CYB561: variants seen among roughly 807,000 people sequenced by gnomAD.
CYB561 encodes transmembrane ascorbate-dependent reductase CYB561.
Under a neutral mutation model 25.3 loss-of-function variants are expected in CYB561, and 11 were observed. The observed-to-expected ratio is 0.44, with a 90% CI of 0.27 to 0.72. CYB561 has a LOEUF of 0.72. Ranked by LOEUF, CYB561 falls within the 30% of genes least tolerant of loss-of-function variation. The pLI is 0.18. For synonymous variants in CYB561, 165 were observed against 158.8 expected (o/e 1.04, Z -0.29); for missense variants, 295 against 334.9 (o/e 0.88, Z 0.93).
rs116677897 is a variant in CYB561, at chr17:63,441,169, C to T, written c.-13-3609G>A. On this transcript the variant is annotated intron_variant, in intron 1 of 5. Transcript: ENST00000360793. ...CTTCAACATCCTACAGTGAAATGCC[C>T]GGCCTGGCCTCCCGGGGAGTCGGAA... Among the ~76,000 whole-genome samples, 1,035 of 152,340 alleles carry T rather than the reference C, an allele frequency of 6.8e-3. 10 individuals are homozygous for T. The highest frequency in any genetic ancestry group is 0.012 in the African/African-American group (494 of 41,580).
intron 1 of CYB561, among the ~76,000 whole-genome samples, chr17:63,441,448 G>A (rs1333142300): frequency 6.6e-6 from 1 of 152,206 alleles, no homozygotes; most frequent in Admixed American, 6.5e-5. Flanking sequence ...AACTCAACCC[G>A]CAGCCACCTG....
Position 63,435,686 on chromosome 17 carries a change from A to G in CYB561, c.405+2T>C. 6.2e-7 allele frequency: 1 copy of G among 1,613,114 alleles called. No individual in the cohort carries two copies. The highest frequency in any genetic ancestry group is 8.5e-7 in the Non-Finnish European group (1 of 1,179,072). The stretch of plus-strand genomic sequence containing the variant: ...CAGGCCCGGGGTGTTGGAAGGACTC[A>G]CCTGCACAAAGTACAGGACAAAGAC... On this transcript the variant is annotated splice_donor_variant, in intron 4 of 5. Coordinates refer to ENST00000360793, the MANE Select transcript of CYB561 (RefSeq NM_001915.4). LOFTEE classifies it high-confidence loss of function.
Position 63,435,153 on chromosome 17 carries a change from T to C in CYB561, c.496A>G (p.Thr166Ala), listed in dbSNP as rs1201334238. 6.2e-7 allele frequency: 1 copy of C among 1,614,108 alleles called. No homozygotes were observed. The highest frequency in any genetic ancestry group is 2.2e-5 in the East Asian group (1 of 44,896). The change falls in exon 5 of 6, where the codon ACC (threonine) becomes GCC (alanine). Residue 166 changes from threonine to alanine, a missense_variant. Coordinates refer to ENST00000360793, the MANE Select transcript of CYB561 (RefSeq NM_001915.4). ...GTGCCCACGGAAAGGAGGAAGATGG[T>C]AGCACCAAAGAAGATGTGCTGTGGG... ...YRPQHIFFGA[T>A]IFLLSVGTAL...
intron 1 of CYB561, among the ~76,000 whole-genome samples, chr17:63,438,786 G>A (rs2049344614): frequency 6.6e-6 from 1 of 152,244 alleles, no homozygotes; most frequent in Non-Finnish European, 1.5e-5. Flanking sequence ...CCAAGGGAGT[G>A]CCCAGTGCCT....
chr17:63,438,450 C>T, intron 1 of CYB561: 1 of 515,060 alleles, frequency 1.9e-6, no homozygotes, highest in Non-Finnish European at 3.5e-6. Flanking sequence ...CCCCGCTCCC[C>T]CCACGCCCCC....
rs2049408344 is a variant in CYB561, at chr17:63,444,854, G to A, written c.-14+1391C>T. On this transcript the variant is annotated intron_variant, in intron 1 of 5. Coordinates refer to ENST00000360793, the MANE Select transcript of CYB561 (RefSeq NM_001915.4). ...ATTAGCAGGAGCCCAAGCTCTGCCT[G>A]CCAAGGAAAAGTGGTGAGGGCAGAA... 2.6e-5 allele frequency among the ~76,000 whole-genome samples: 4 copies of A among 152,330 alleles called. No individual in the cohort carries two copies. The South Asian group carries it at 8.3e-4, about 32-fold the overall frequency.
Position 63,437,360 on chromosome 17 carries a change from A to T in CYB561, c.188T>A (p.Phe63Tyr). The T allele has an allele frequency of 6.2e-7, 1 of 1,613,254 alleles. No homozygotes were observed. Among genetic ancestry groups the T allele is most frequent in the Non-Finnish European group, 8.5e-7 (1 of 1,179,330 alleles). Residue 63 changes from phenylalanine (F) to tyrosine (Y), a missense_variant, in exon 2 of 6, where the codon TTC becomes TAC. By Grantham distance (22) the Phe-to-Tyr change is conservative. Transcript: ENST00000360793. ...ATGGGACTCACCATTTCCCTGCAGG[A>T]AGATCAGGCCTATGACCATGCAGAG... Reference protein sequence around the residue: ...HPLCMVIGLIFLQGNALLVYR... With the variant: ...HPLCMVIGLIYLQGNALLVYR...
Position 63,434,229 on chromosome 17 carries a change from A to C in CYB561, c.*173T>G, listed in dbSNP as rs2049266773. The C allele has an allele frequency of 1.6e-5, 10 of 606,838 alleles. No homozygotes were observed. In the South Asian group the frequency reaches 2.1e-4, roughly 12 times the overall value. 37.6% of individuals were successfully genotyped at this position (606,838 alleles called of 1,614,324 possible). Reference sequence around the variant, plus strand: ...ACTGGTCTATAGCAGCGGAGAAAGGAGAAGCAGAGGAGGCGGAGACCTGAC... The same window carrying C: ...ACTGGTCTATAGCAGCGGAGAAAGGCGAAGCAGAGGAGGCGGAGACCTGAC... On this transcript the variant is annotated 3_prime_UTR_variant, in exon 6 of 6. Coordinates refer to ENST00000360793, the MANE Select transcript of CYB561 (RefSeq NM_001915.4).
At position 63,435,381 on chromosome 17, in the gene CYB561, C is replaced by T. The variant is rs944545208; in HGVS notation, c.406-138G>A. On this transcript the variant is annotated intron_variant, in intron 4 of 5. Transcript: ENST00000360793. ...TGCCTGGTTTCCTTCCTCCTCAGCA[C>T]AGTGGTGGGAGGAGCACTAAGCGCT... The T allele has an allele frequency of 9.7e-6, 9 of 927,686 alleles. No individual in the cohort carries two copies. The African/African-American group carries it at 1.5e-4, about 15-fold the overall frequency. The allele number at this position is 927,686 out of a possible 1,614,324, so 57.5% of individuals were successfully genotyped here.
In CYB561 at chr17:63,446,256, G is replaced by C. The variant is rs1048050623; in HGVS notation, c.-25C>G. ...GCCCGGCCTCCTACCTTGCCTACCCGAGCGTCCCTTCAGCCTCCCCGCGCC... is the reference window on the plus strand; with the variant it reads ...GCCCGGCCTCCTACCTTGCCTACCCCAGCGTCCCTTCAGCCTCCCCGCGCC... On this transcript the variant is annotated 5_prime_UTR_variant, in exon 1 of 6. Transcript: ENST00000360793. 14 of 151,960 alleles carry C rather than the reference G, an allele frequency of 9.2e-5. No individual in the cohort carries two copies. The highest frequency in any genetic ancestry group is 3.3e-4 in the Admixed American group (5 of 15,246). The allele number at this position is 151,960 out of a possible 1,614,324, so 9.4% of individuals were successfully genotyped here. A position where few individuals can be genotyped will look rare whatever the true frequency, so the allele number is the denominator to read the frequency against.
chr17:63,434,499 G>C lies in CYB561; in HGVS notation c.659C>G (p.Thr220Ser). Residue 220 changes from threonine to serine, a missense_variant, in exon 6 of 6, where the codon ACC becomes AGC. By Grantham distance (58) the Thr-to-Ser change is moderately conservative. Coordinates refer to ENST00000360793, the MANE Select transcript of CYB561 (RefSeq NM_001915.4). ...GGAAGGCCGCTTCCAGTCGGCCCGGGTCAAGATGTAGAGCACCGCCCCACC... is the reference window on the plus strand; with the variant it reads ...GGAAGGCCGCTTCCAGTCGGCCCGGCTCAAGATGTAGAGCACCGCCCCACC... ...CFGGAVLYIL[T>S]RADWKRPSQA... 1.2e-6 allele frequency: 2 copies of C among 1,613,392 alleles called. No individual in the cohort carries two copies. Among genetic ancestry groups the C allele is most frequent in the Non-Finnish European group, 1.7e-6 (2 of 1,179,858 alleles).
At chr17:63,435,344 G>T in intron 4 of CYB561, 101 bp from the exon 5 acceptor site, 2 of 1,278,524 alleles carry the variant, frequency 1.6e-6, no homozygotes, top group Non-Finnish European at 2.2e-6. Flanking sequence ...GCGACTGTGA[G>T]CCCCTCAGCC....
chr17:63,436,649 C>T lies in CYB561; in HGVS notation c.203-497G>A, dbSNP rs2049303950. 7 of 165,948 alleles carry T rather than the reference C, an allele frequency of 4.2e-5. No individual in the cohort carries two copies. In the South Asian group the frequency reaches 1.0e-3, roughly 25 times the overall value. The allele number at this position is 165,948 out of a possible 1,614,324, so 10.3% of individuals were successfully genotyped here. A position where few individuals can be genotyped will look rare whatever the true frequency, so the allele number is the denominator to read the frequency against. On this transcript the variant is annotated intron_variant, in intron 2 of 5. Coordinates refer to ENST00000360793, the MANE Select transcript of CYB561 (RefSeq NM_001915.4). The surrounding 1 kb of genome is among the most constrained non-coding windows in gnomAD (Gnocchi z 4.8). Reference sequence around the variant, plus strand: ...TAGCCACGTGGCTCCTCACACAGGCCCCCACCTAAGCCTGGGCAGATGGTC... The same window carrying T: ...TAGCCACGTGGCTCCTCACACAGGCTCCCACCTAAGCCTGGGCAGATGGTC...
intron 1 of CYB561, chr17:63,437,903 C>T (rs2049328728): frequency 5.3e-6 from 2 of 379,074 alleles, no homozygotes; most frequent in Non-Finnish European, 9.1e-6. Flanking sequence ...ATGCGCATGT[C>T]CCCCCCACGG....
chr17:63,435,786 C>T lies in CYB561; in HGVS notation c.307G>A (p.Val103Met). 1 of 1,614,174 alleles carries T rather than the reference C, an allele frequency of 6.2e-7. No homozygotes were observed. Among genetic ancestry groups the T allele is most frequent in the Non-Finnish European group, 8.5e-7 (1 of 1,179,998 alleles). Residue 103 changes from valine (V) to methionine (M), a missense_variant, in exon 4 of 6, where the codon GTG (valine) becomes ATG (methionine). Val to Met is a conservative substitution (Grantham distance 21). Coordinates refer to ENST00000360793, the MANE Select transcript of CYB561 (RefSeq NM_001915.4). ...TTCCTGTGGTAGTCGAACACCGCCACCAAGCCTGGGCCAGAGACAGGTCAT... is the reference window on the plus strand; with the variant it reads ...TTCCTGTGGTAGTCGAACACCGCCATCAAGCCTGGGCCAGAGACAGGTCAT... The part of the protein sequence containing the change: ...FALVIALVGL[V>M]AVFDYHRKKG...
intron 1 of CYB561, chr17:63,440,340 T>TG (rs1377706772): frequency 5.0e-6 from 2 of 398,528 alleles, no homozygotes; most frequent in Non-Finnish European, 8.8e-6. Flanking sequence ...CACAGAAGGC[T>TG]GCCCAGGCCG....
rs1391762784 is a variant in CYB561 at position 63,433,896 on chromosome 17, A to AACAT, written c.*502_*505dup. 1 of 169,438 alleles carries AACAT rather than the reference A, an allele frequency of 5.9e-6. No individual in the cohort carries two copies. The highest frequency in any genetic ancestry group is 1.2e-5 in the Non-Finnish European group (1 of 80,406). 10.5% of individuals were successfully genotyped at this position (169,438 alleles called of 1,614,324 possible). On this transcript the variant is annotated 3_prime_UTR_variant, in exon 6 of 6. Transcript: ENST00000360793. ...CCTGGGGAACCTTGCTTTCACCACC[A>AACAT]ACATACTTTACACATCATATCACTT...
At position 63,435,105 on chromosome 17, in the gene CYB561, C is replaced by A. The variant is rs767584959; in HGVS notation, c.544G>T (p.Ala182Ser). Residue 182 changes from alanine to serine, a missense_variant, in exon 5 of 6, where the codon GCA becomes TCA. Physicochemically the swap from Ala to Ser is moderately conservative, Grantham distance 99 (BLOSUM62 1). Transcript: ENST00000360793. ...ACTCACCCGAGGTTGAACAGCAGTG[C>A]CTCCTTCAGGCCCAGCAGGGCGGTG... is the stretch of plus-strand genomic sequence containing the variant. ...VGTALLGLKE[A>S]LLFNLGGKYS... is the part of the protein sequence containing the mutation. 1.9e-6 allele frequency: 3 copies of A among 1,613,862 alleles called. No homozygotes were observed. Among genetic ancestry groups the A allele is most frequent in the Admixed American group, 3.3e-5 (2 of 60,014 alleles).
intron 1 of CYB561, among the ~76,000 whole-genome samples, chr17:63,439,973 C>T (rs1355303770): frequency 2.0e-5 from 3 of 152,210 alleles, no homozygotes; most frequent in Non-Finnish European, 2.9e-5. Context: ...CTGTTTTAGA[C>T]TTCTGACACA....
Sources: gnomAD v4.1 joint callset for allele counts (sites outside exome capture counted in the v4.1 genomes callset) on GRCh38, gnomAD v4.1.1 for gene constraint, Gnocchi (gnomAD v3.1) non-coding constraint, MANE v1.5 for transcripts, NCBI Gene and HGNC (gene_info 2026-07-23, HGNC 2026-07-21) for gene names.